The following TAFA1 variants were observed in gnomAD, a reference collection of about 807,000 sequenced individuals.
The protein encoded by TAFA1 is chemokine-like protein TAFA-1.
In TAFA1, 4 loss-of-function variants were observed where a neutral mutation model predicts 18.5. The observed-to-expected ratio is 0.22, with a 90% confidence interval of 0.11 to 0.49. TAFA1 has a LOEUF of 0.49. TAFA1 is among the 20% of genes least tolerant of loss of function. The pLI is 0.98. For synonymous variants in TAFA1, 56 were observed against 55.2 expected, an observed-to-expected ratio of 1.01 and a Z score of -0.06; for missense variants, 147 against 169.0, an observed-to-expected ratio of 0.87 and a Z score of 0.72.
At chr3:68,472,455 G>A (rs1011710618) in intron 3 of TAFA1, among the ~76,000 whole-genome samples, 1 of 151,486 alleles carries the variant, frequency 6.6e-6, no homozygotes, top group African/African-American at 2.4e-5. Flanking sequence ...TAATACAGGT[G>A]GTATACACAC....
intron 3 of TAFA1, among the ~76,000 whole-genome samples, chr3:68,505,627 T>G (rs1271478736): frequency 6.6e-6 from 1 of 152,140 alleles, no homozygotes; most frequent in Non-Finnish European, 1.5e-5. Context: ...TCCTTCAGGC[T>G]GTTGGCAGAA....
chr3:68,040,737 G>T lies in TAFA1; in HGVS notation c.118+33993G>T, dbSNP rs1435088339. ...ACTAATTCAAATTCTCTGGAAGTGA[G>T]ACCCAGCAATCTGTTTAAAAAAGCC... On this transcript the variant is annotated intron_variant, in intron 2 of 4. Transcript: ENST00000478136. Among the ~76,000 whole-genome samples, 2 of 152,202 alleles carry T rather than the reference G, an allele frequency of 1.3e-5. 1 individual carries two copies. Among genetic ancestry groups the T allele is most frequent in the Middle Eastern group, 6.8e-3 (2 of 294 alleles).
chr3:68,108,686 G>C (rs1211700698), intron 2 of TAFA1, among the ~76,000 whole-genome samples: 1 of 152,030 alleles, frequency 6.6e-6, no homozygotes, highest in Non-Finnish European at 1.5e-5. Flanking sequence ...GGAGAATACT[G>C]TCATTGCTGA....
chr3:68,216,758 C>T (rs750108760), intron 2 of TAFA1, among the ~76,000 whole-genome samples: 25 of 152,014 alleles, frequency 1.6e-4, no homozygotes, highest in Non-Finnish European at 2.9e-4. Context: ...TCAAAAAAGA[C>T]ATCACTCCAT....
At chr3:68,392,000 C>T (rs1299562005) in intron 2 of TAFA1, among the ~76,000 whole-genome samples, 1 of 152,120 alleles carries the variant, frequency 6.6e-6, no homozygotes, top group African/African-American at 2.4e-5. Context: ...ACCAAATTCA[C>T]ACATAACAAT....
At chr3:68,230,261 C>T (rs903923945) in intron 2 of TAFA1, among the ~76,000 whole-genome samples, 3 of 151,832 alleles carry the variant, frequency 2.0e-5, no homozygotes, top group Non-Finnish European at 2.9e-5. Context: ...CTTTATCCCC[C>T]CCTGCAACCC....
At chr3:68,347,243 G>C (rs1000784690) in intron 2 of TAFA1, among the ~76,000 whole-genome samples, 1 of 152,178 alleles carries the variant, frequency 6.6e-6, no homozygotes, top group Non-Finnish European at 1.5e-5. Flanking sequence ...TGCTTTACCA[G>C]TTCACAGGGA....
At chr3:68,197,096 T>A (rs1370385542) in intron 2 of TAFA1, among the ~76,000 whole-genome samples, 2 of 151,808 alleles carry the variant, frequency 1.3e-5, no homozygotes, top group African/African-American at 2.4e-5. Context: ...CCTAGAATCA[T>A]GCTTTAGACA....
intron 2 of TAFA1, among the ~76,000 whole-genome samples, chr3:68,209,072 A>G (rs971528661): frequency 1.3e-5 from 2 of 151,966 alleles, no homozygotes; most frequent in Non-Finnish European, 2.9e-5. Context: ...CCCAATGACT[A>G]GCAAAAAAAT....
chr3:68,214,261 A>T (rs1007007771), intron 2 of TAFA1, among the ~76,000 whole-genome samples: 11 of 152,064 alleles, frequency 7.2e-5, no homozygotes, highest in African/African-American at 2.7e-4. Flanking sequence ...CATTTCCTTA[A>T]TTTGCCAAGC....
chr3:68,330,049 G>A (rs2068839384), intron 2 of TAFA1, among the ~76,000 whole-genome samples: 1 of 152,092 alleles, frequency 6.6e-6, no homozygotes, highest in Non-Finnish European at 1.5e-5. Flanking sequence ...GGGTCCAGGG[G>A]CTCAGAGAAT....
rs539745360 is a variant in TAFA1, at chr3:68,232,850, CTGTT to C, written c.119-184427_119-184424del. Among the ~76,000 whole-genome samples, 9 of 152,250 alleles carry C rather than the reference CTGTT, an allele frequency of 5.9e-5. No homozygotes were observed. In the East Asian group the frequency reaches 7.7e-4, roughly 13 times the overall value. On this transcript the variant is annotated intron_variant, in intron 2 of 4. Coordinates refer to ENST00000478136, the MANE Select transcript of TAFA1 (RefSeq NM_213609.4). ...AACACCTGGTCTTGAGTGATCCTCT[CTGTT>C]TGGTCCCTCAAAATGCTGGGATTAC...
At chr3:68,266,035 A>ATTC (rs1361038361) in intron 2 of TAFA1, among the ~76,000 whole-genome samples, 1 of 152,150 alleles carries the variant, frequency 6.6e-6, no homozygotes, top group Non-Finnish European at 1.5e-5. Flanking sequence ...GCAAGTTCTT[A>ATTC]TTCTTCTTGC....
intron 2 of TAFA1, among the ~76,000 whole-genome samples, chr3:68,022,928 T>C: frequency 6.7e-6 from 1 of 148,150 alleles, no homozygotes; most frequent in African/African-American, 2.5e-5. Flanking sequence ...TATTATTTCA[T>C]TAATCCTTAT....
chr3:68,219,650 T>A (rs2066705629), intron 2 of TAFA1, among the ~76,000 whole-genome samples: 1 of 152,136 alleles, frequency 6.6e-6, no homozygotes, highest in African/African-American at 2.4e-5. Flanking sequence ...TCTCTGATGC[T>A]TCACCTTTTA....
intron 3 of TAFA1, among the ~76,000 whole-genome samples, chr3:68,453,037 G>C (rs1208865837): frequency 5.9e-5 from 9 of 152,088 alleles, no homozygotes; most frequent in Admixed American, 5.9e-4. Flanking sequence ...TAGATACTTG[G>C]GGCTTTTTTC....
chr3:68,164,662 G>GTGTGTGTGTGTGTGT, intron 2 of TAFA1, among the ~76,000 whole-genome samples: 1 of 47,746 alleles, frequency 2.1e-5, no homozygotes, highest in South Asian at 6.6e-4. Context: ...TGTGTGTGTG[G>GTGTGTGTGTGTGTGT]GAGGTAGTTA....
At chr3:68,144,732 C>G (rs562038390) in intron 2 of TAFA1, among the ~76,000 whole-genome samples, 2 of 152,084 alleles carry the variant, frequency 1.3e-5, no homozygotes, top group Admixed American at 1.3e-4. Context: ...TTCAGTAGTC[C>G]GTCTTACAAT....
At chr3:68,346,831 A>G (rs2069171766) in intron 2 of TAFA1, among the ~76,000 whole-genome samples, 1 of 152,220 alleles carries the variant, frequency 6.6e-6, no homozygotes, top group Admixed American at 6.5e-5. Context: ...GAAACAAGAC[A>G]CAAGAAACAA....
Sources: allele counts gnomAD v4.1 joint callset (sites outside exome capture counted in the v4.1 genomes callset), GRCh38; gene constraint gnomAD v4.1.1; transcripts MANE v1.5; gene names NCBI Gene and HGNC (gene_info 2026-07-23, HGNC 2026-07-21).